DNAH11: variants seen among roughly 807,000 people sequenced by gnomAD.
DNAH11 encodes the protein dynein axonemal heavy chain 11, also known as axonemal beta dynein heavy chain 11.
DNAH11 carries 442 observed loss-of-function variants against 526.0 expected under a neutral mutation model. The observed-to-expected ratio is 0.84, with a 90% confidence interval of 0.78 to 0.91. DNAH11 has a LOEUF of 0.91. Ranked by LOEUF, DNAH11 falls within the 40% of genes least tolerant of loss-of-function variation. The pLI is 0.00. For synonymous variants in DNAH11, 2,461 were observed against 1,935.9 expected, an observed-to-expected ratio of 1.27 and a Z score of -7.12; for missense variants, 6,989 against 5,448.7, an observed-to-expected ratio of 1.28 and a Z score of -8.90.
At chr7:21,874,761 C>G (rs1197772259) in intron 74 of DNAH11, among the ~76,000 whole-genome samples, 2 of 152,040 alleles carry the variant, frequency 1.3e-5, no homozygotes, top group Non-Finnish European at 2.9e-5. Flanking sequence ...ACTATCCTAT[C>G]TATCAACATC....
intron 75 of DNAH11, among the ~76,000 whole-genome samples, chr7:21,882,550 CT>C (rs1312143007): frequency 6.6e-6 from 1 of 152,206 alleles, no homozygotes; most frequent in African/African-American, 2.4e-5. Flanking sequence ...AATCCCAGCA[CT>C]TTGGGAGGCC....
At chr7:21,649,820 C>A (rs949446368) in intron 28 of DNAH11, among the ~76,000 whole-genome samples, 2 of 152,024 alleles carry the variant, frequency 1.3e-5, no homozygotes, top group African/African-American at 4.8e-5. Context: ...TGTGCACCAC[C>A]GTGGCCAGCT....
intron 29 of DNAH11, among the ~76,000 whole-genome samples, chr7:21,656,901 T>C (rs1417183185): frequency 6.6e-6 from 1 of 152,190 alleles, no homozygotes; most frequent in East Asian, 1.9e-4. Context: ...TAGGATGATA[T>C]TATAATGATT....
intron 25 of DNAH11, 132 bp downstream of exon 25, chr7:21,620,210 A>G (rs1276431774): frequency 1.2e-6 from 1 of 805,124 alleles, no homozygotes; most frequent in Non-Finnish European, 1.8e-6. Flanking sequence ...GCTAACCGTC[A>G]TCTCATACAC....
chr7:21,851,867 A>G (rs1782653871), intron 66 of DNAH11, among the ~76,000 whole-genome samples: 1 of 152,140 alleles, frequency 6.6e-6, no homozygotes, highest in South Asian at 2.1e-4. Context: ...CTAAGCCTTT[A>G]TATGTCTGAG....
At position 21,559,682 on chromosome 7, in the gene DNAH11, A is replaced by G. The variant is rs747435111; in HGVS notation, c.772A>G (p.Ile258Val). ...IEWSHQIQEI[I>V]ERDSVQRLLN... Reference sequence around the variant, plus strand: ...ATGGTCACATCAAATCCAAGAAATTATAGAAAGAGATTCAGTGCAGCGTTT... The same window carrying G: ...ATGGTCACATCAAATCCAAGAAATTGTAGAAAGAGATTCAGTGCAGCGTTT... The change falls in exon 4 of 82, where the codon ATA becomes GTA. Residue 258 changes from isoleucine (I) to valine (V), a missense_variant. By Grantham distance (29) the Ile-to-Val change is conservative. Coordinates refer to ENST00000409508, the MANE Select transcript of DNAH11 (RefSeq NM_001277115.2). 20 of 1,611,536 alleles carry G rather than the reference A, an allele frequency of 1.2e-5. No homozygotes were observed. The highest frequency in any genetic ancestry group is 1.1e-4 in the East Asian group (5 of 44,790).
At chr7:21,789,096 T>G in intron 60 of DNAH11, 145 bp from the exon 61 acceptor site, 1 of 623,758 alleles carries the variant, frequency 1.6e-6, no homozygotes, top group Non-Finnish European at 2.7e-6. Context: ...TAAGACCAGT[T>G]TGAGCAACAT....
intron 35 of DNAH11, among the ~76,000 whole-genome samples, chr7:21,694,265 G>T (rs148834253): frequency 2.0e-4 from 30 of 152,190 alleles, no homozygotes; most frequent in Non-Finnish European, 4.0e-4. Context: ...ATGTGCAATG[G>T]TCGTTTGCTG....
chr7:21,901,398 G>C lies in DNAH11; in HGVS notation c.*144G>C. 8.3e-7 allele frequency: 1 copy of C among 1,201,364 alleles called. No homozygotes were observed. The highest frequency in any genetic ancestry group is 1.1e-6 in the Non-Finnish European group (1 of 926,888). The allele number at this position is 1,201,364 out of a possible 1,614,324, so 74.4% of individuals were successfully genotyped here. ...TTTCAACGCTATCCTTAGAGTGAAA[G>C]TCAGAAAAAAATACTAGAAACTAAC... On this transcript the variant is annotated 3_prime_UTR_variant, in exon 82 of 82. Transcript: ENST00000409508.
chr7:21,638,448 G>C (rs981358679), intron 27 of DNAH11, among the ~76,000 whole-genome samples: 1 of 152,178 alleles, frequency 6.6e-6, no homozygotes, highest in Non-Finnish European at 1.5e-5. Context: ...GGGCAATAAA[G>C]TGGAACCAAT....
chr7:21,789,814 T>TTCTTTCTTTCTC, intron 61 of DNAH11, among the ~76,000 whole-genome samples: 1 of 131,986 alleles, frequency 7.6e-6, no homozygotes, highest in South Asian at 2.6e-4. Context: ...TCTTTTTTCT[T>TTCTTTCTTTCTC]TCTTTCTTTC....
rs190852338 is a variant in DNAH11, at chr7:21,900,487, A to G, written c.13303+367A>G. ...TAAATTTGCTCTAATGTTTTACTAC[A>G]AGACTTCTCCAAGCCTGGAAGATGC... On this transcript the variant is annotated intron_variant, in intron 81 of 81. Coordinates refer to ENST00000409508, the MANE Select transcript of DNAH11 (RefSeq NM_001277115.2). Among the ~76,000 whole-genome samples, 568 of 104,334 alleles carry G rather than the reference A, an allele frequency of 5.4e-3. 9 individuals are homozygous for G. The highest frequency in any genetic ancestry group is 0.016 in the African/African-American group (530 of 34,130). 68.4% of individuals were successfully genotyped at this position (104,334 alleles called of 152,430 possible).
intron 56 of DNAH11, among the ~76,000 whole-genome samples, chr7:21,775,045 C>A (rs1787611875): frequency 6.6e-6 from 1 of 152,110 alleles, no homozygotes; most frequent in Non-Finnish European, 1.5e-5. Flanking sequence ...CAAATGGGCA[C>A]CTTTTCACTC....
intron 65 of DNAH11, among the ~76,000 whole-genome samples, chr7:21,833,476 T>A (rs1781868230): frequency 6.6e-6 from 1 of 152,110 alleles, no homozygotes; most frequent in African/African-American, 2.4e-5. Context: ...ATGGATCACC[T>A]GAGGTCAGGA....
At chr7:21,688,469 G>A (rs1422039432) in intron 34 of DNAH11, among the ~76,000 whole-genome samples, 1 of 152,038 alleles carries the variant, frequency 6.6e-6, no homozygotes, top group Non-Finnish European at 1.5e-5. Context: ...TCCCCTTGTT[G>A]ATTTCAACTA....
chr7:21,888,038 C>A (rs62445891), intron 76 of DNAH11, among the ~76,000 whole-genome samples: 2 of 152,074 alleles, frequency 1.3e-5, no homozygotes, highest in Non-Finnish European at 2.9e-5. Flanking sequence ...GAGAACAACA[C>A]GGGCAATACG....
intron 79 of DNAH11, 119 bp from the exon 80 acceptor site, chr7:21,899,217 C>T: frequency 1.3e-6 from 1 of 760,704 alleles, no homozygotes; most frequent in Admixed American, 1.9e-5. Flanking sequence ...ATTTTACCAG[C>T]TAGCAGTGGT....
At chr7:21,712,447 T>G (rs958568420) in intron 42 of DNAH11, among the ~76,000 whole-genome samples, 5 of 152,208 alleles carry the variant, frequency 3.3e-5, no homozygotes, top group Non-Finnish European at 7.4e-5. Context: ...TTTGAGAAAC[T>G]GACACATTGT....
At chr7:21,605,179 C>T (rs917375948) in intron 18 of DNAH11, among the ~76,000 whole-genome samples, 5 of 152,272 alleles carry the variant, frequency 3.3e-5, no homozygotes, top group African/African-American at 1.2e-4. Context: ...TAGCACAGTG[C>T]GTTTTTCCAT....
Sources: gnomAD v4.1 joint callset for allele counts (sites outside exome capture counted in the v4.1 genomes callset) on GRCh38, gnomAD v4.1.1 for gene constraint, MANE v1.5 for transcripts, NCBI Gene and HGNC (gene_info 2026-07-23, HGNC 2026-07-21) for gene names.